FAM222A: variants seen among roughly 807,000 people sequenced by gnomAD.
The protein encoded by FAM222A is protein FAM222A.
FAM222A carries 7 observed loss-of-function variants against 25.8 expected under a neutral mutation model. The observed-to-expected ratio is 0.27, with a 90% confidence interval of 0.15 to 0.51. The LOEUF is 0.51. FAM222A is among the 20% of genes least tolerant of loss of function. The pLI, the probability that FAM222A is intolerant of heterozygous loss-of-function variation, is 0.97. For missense variants in FAM222A, 573 were observed against 640.5 expected, an observed-to-expected ratio of 0.89 and a Z score of 1.14; for synonymous variants, 294 against 298.8, an observed-to-expected ratio of 0.98 and a Z score of 0.17.
intron 1 of FAM222A, among the ~76,000 whole-genome samples, chr12:109,721,281 C>T (rs1887739990): frequency 6.6e-6 from 1 of 152,204 alleles, no homozygotes; most frequent in Non-Finnish European, 1.5e-5. Context: ...GATCCTCGGG[C>T]AGGGGCCGAG....
chr12:109,753,563 G>A (rs192833974), intron 2 of FAM222A, among the ~76,000 whole-genome samples: 5 of 152,154 alleles, frequency 3.3e-5, no homozygotes, highest in East Asian at 1.9e-4. Context: ...CCATCCCGGG[G>A]GGGGGAGCCT....
chr12:109,764,530 A>G (rs1338256252), intron 2 of FAM222A, among the ~76,000 whole-genome samples: 2 of 152,232 alleles, frequency 1.3e-5, no homozygotes, highest in African/African-American at 4.8e-5. Flanking sequence ...ATAAACTCCA[A>G]ATGAAAGTAT....
At chr12:109,762,720 C>T (rs1483939654) in intron 2 of FAM222A, among the ~76,000 whole-genome samples, 1 of 152,230 alleles carries the variant, frequency 6.6e-6, no homozygotes, top group African/African-American at 2.4e-5. Flanking sequence ...CCCAAGCCAC[C>T]TCCATTGCTA....
intron 2 of FAM222A, among the ~76,000 whole-genome samples, chr12:109,751,968 T>C (rs924771355): frequency 2.0e-5 from 3 of 152,240 alleles, no homozygotes; most frequent in Non-Finnish European, 4.4e-5. Context: ...CCTTCCCTGA[T>C]GGACATTTAG....
In FAM222A at chr12:109,768,605, C is replaced by G; in HGVS notation, c.676C>G (p.Pro226Ala). The part of the protein sequence containing the change: ...APPACQGMAI[P>A]HPSPAKHGPV... ...CCCTGCCTGCCAGGGCATGGCTATT[C>G]CCCATCCCAGCCCTGCCAAGCACGG... The change falls in exon 3 of 3, where the codon CCC becomes GCC. Residue 226 changes from proline to alanine, a missense_variant. By Grantham distance (27) the Pro-to-Ala change is conservative (BLOSUM62 -1). Transcript: ENST00000538780. 6.2e-7 allele frequency: 1 copy of G among 1,604,162 alleles called. No homozygotes were observed. Among genetic ancestry groups the G allele is most frequent in the East Asian group, 2.2e-5 (1 of 44,838 alleles).
chr12:109,739,540 C>T lies in FAM222A; in HGVS notation c.-46-4561C>T, dbSNP rs556104024. Reference sequence around the variant, plus strand: ...TGCCCAATGCTGGCCTCCTGATTTGCGCTCCTTGAATGTTTATGGGATGAA... The same window carrying T: ...TGCCCAATGCTGGCCTCCTGATTTGTGCTCCTTGAATGTTTATGGGATGAA... On this transcript the variant is annotated intron_variant, in intron 1 of 2. Transcript: ENST00000538780. 2.0e-5 allele frequency among the ~76,000 whole-genome samples: 3 copies of T among 152,304 alleles called. No individual in the cohort carries two copies. The South Asian group carries it at 6.2e-4, about 32-fold the overall frequency.
At chr12:109,743,947 C>G in intron 1 of FAM222A, 154 bp from the exon 2 acceptor site, 1 of 985,414 alleles carries the variant, frequency 1.0e-6, no homozygotes, top group Non-Finnish European at 1.2e-6. Context: ...TGCCTCAGGC[C>G]TTGGTCCCCT....
chr12:109,736,068 C>G (rs1888077888), intron 1 of FAM222A: 1 of 152,428 alleles, frequency 6.6e-6, no homozygotes, highest in African/African-American at 2.4e-5. Flanking sequence ...CTGTCCTGAA[C>G]TAGCACTAGT....
In FAM222A at chr12:109,769,492, T is replaced by C; in HGVS notation, c.*204T>C. ...CACATACCAAGGCCCCTCCCCACCATCGGTTGCCCCAGGACACAGTGAGGG... is the reference window on the plus strand; with the variant it reads ...CACATACCAAGGCCCCTCCCCACCACCGGTTGCCCCAGGACACAGTGAGGG... On this transcript the variant is annotated 3_prime_UTR_variant, in exon 3 of 3. Transcript: ENST00000538780. The C allele has an allele frequency of 1.6e-6, 1 of 634,920 alleles. No homozygotes were observed. Among genetic ancestry groups the C allele is most frequent in the Non-Finnish European group, 2.7e-6 (1 of 372,258 alleles). The allele number at this position is 634,920 out of a possible 1,614,324, so 39.3% of individuals were successfully genotyped here. A position where few individuals can be genotyped will look rare whatever the true frequency, so the allele number is the denominator to read the frequency against.
At chr12:109,764,920 T>C (rs183639885) in intron 2 of FAM222A, among the ~76,000 whole-genome samples, 34 of 152,316 alleles carry the variant, frequency 2.2e-4, no homozygotes, top group Admixed American at 2.0e-3. Flanking sequence ...GAGTTTATTT[T>C]AGGCCACTTA....
At chr12:109,719,946 C>A in intron 1 of FAM222A, 1 of 278,278 alleles carries the variant, frequency 3.6e-6, no homozygotes, top group Non-Finnish European at 5.5e-6. Flanking sequence ...AGAGCACCTG[C>A]ACTCTCACTG....
At chr12:109,715,309 G>T (rs1403776043) in intron 1 of FAM222A, among the ~76,000 whole-genome samples, 1 of 152,246 alleles carries the variant, frequency 6.6e-6, no homozygotes, top group Non-Finnish European at 1.5e-5. Context: ...CTCAGAGGGG[G>T]ATTTGGGGTT....
At position 109,769,027 on chromosome 12, in the gene FAM222A, G is replaced by T. The variant is rs200155954; in HGVS notation, c.1098G>T (p.Ala366=). ...GCGACTGCTACAACCCAGCGGCGGCGGTGGTGGTCACGGAGCTGGGGCCGG... is the reference window on the plus strand; with the variant it reads ...GCGACTGCTACAACCCAGCGGCGGCTGTGGTGGTCACGGAGCTGGGGCCGG... The part of the protein sequence containing the change: ...PTSDCYNPAA[A]VVVTELGPGA... Residue 366 remains alanine (A), a synonymous_variant, in exon 3 of 3, where the codon GCG becomes GCT. Coordinates refer to ENST00000538780, the MANE Select transcript of FAM222A (RefSeq NM_032829.3). 2.5e-6 allele frequency: 4 copies of T among 1,583,038 alleles called. No individual in the cohort carries two copies. The highest frequency in any genetic ancestry group is 2.3e-5 in the East Asian group (1 of 43,386).
intron 1 of FAM222A, among the ~76,000 whole-genome samples, chr12:109,716,913 G>A (rs1353398934): frequency 3.3e-5 from 5 of 152,228 alleles, no homozygotes; most frequent in Non-Finnish European, 7.3e-5. Flanking sequence ...TGGCTCATAC[G>A]CTGTGGCCCA....
intron 1 of FAM222A, among the ~76,000 whole-genome samples, chr12:109,721,013 T>C (rs1400025107): frequency 2.0e-5 from 3 of 152,220 alleles, no homozygotes; most frequent in Admixed American, 6.5e-5. Context: ...TTGAATACTT[T>C]TGCCTATTAT....
At chr12:109,716,710 G>A (rs1369236036) in intron 1 of FAM222A, among the ~76,000 whole-genome samples, 1 of 152,210 alleles carries the variant, frequency 6.6e-6, no homozygotes, top group Non-Finnish European at 1.5e-5. Context: ...GAGGCCCTCT[G>A]CCGAGTATTT....
At chr12:109,743,965 C>T (rs1400087767) in intron 1 of FAM222A, 136 bp from the exon 2 acceptor site, 4 of 1,409,096 alleles carry the variant, frequency 2.8e-6, no homozygotes, top group Admixed American at 2.9e-5. Flanking sequence ...CCTCATTGGT[C>T]GAATAAGGGA....
chr12:109,769,037 A>T lies in FAM222A; in HGVS notation c.1108A>T (p.Thr370Ser), dbSNP rs765123484. 9.5e-6 allele frequency: 15 copies of T among 1,585,080 alleles called. No homozygotes were observed. Among genetic ancestry groups the T allele is most frequent in the Non-Finnish European group, 1.2e-5 (14 of 1,167,274 alleles). The change falls in exon 3 of 3, where the codon ACG becomes TCG. Residue 370 changes from threonine (T) to serine (S), a missense_variant. Around this residue, in one of 3 missense-constraint regions of FAM222A, gnomAD observed 412 missense variants for 407.0 expected, o/e 1.01. Coordinates refer to ENST00000538780, the MANE Select transcript of FAM222A (RefSeq NM_032829.3). ...CAACCCAGCGGCGGCGGTGGTGGTC[A>T]CGGAGCTGGGGCCGGGGGCAGCCCG... ...CYNPAAAVVV[T>S]ELGPGAAREL...
chr12:109,729,508 C>A (rs1404275893), intron 1 of FAM222A, among the ~76,000 whole-genome samples: 1 of 152,226 alleles, frequency 6.6e-6, no homozygotes, highest in East Asian at 1.9e-4. Flanking sequence ...CACGAGGGCA[C>A]CACCCAAATA....
Sources: gnomAD v4.1 joint callset for allele counts (sites outside exome capture counted in the v4.1 genomes callset) on GRCh38, gnomAD v4.1.1 for gene constraint, gnomAD v4.1.1 regional missense constraint, MANE v1.5 for transcripts, NCBI Gene and HGNC (gene_info 2026-07-23, HGNC 2026-07-21) for gene names.